The following GRID2 variants were observed in gnomAD, a reference collection of about 807,000 sequenced individuals.
GRID2 encodes the protein glutamate ionotropic receptor delta type subunit 2, also known as glutamate receptor ionotropic, delta-2.
In GRID2, 33 loss-of-function variants were observed where a neutral mutation model predicts 114.8. That is an observed-to-expected ratio of 0.29 (90% CI 0.22 to 0.38). The LOEUF is 0.38. GRID2 is among the 10% of genes least tolerant of loss of function. The probability of loss-of-function intolerance (pLI) is 1.00; values close to 1 mark genes in which losing one functional copy is unlikely to be tolerated. For missense variants in GRID2, 1,184 were observed against 1,257.7 expected, an observed-to-expected ratio of 0.94 and a Z score of 0.89; for synonymous variants, 505 against 449.9, an observed-to-expected ratio of 1.12 and a Z score of -1.55.
chr4:93,208,692 G>A (rs773376334), intron 5 of GRID2, among the ~76,000 whole-genome samples: 3 of 151,882 alleles, frequency 2.0e-5, no homozygotes, highest in African/African-American at 4.8e-5. Context: ...GAGTAAAGAC[G>A]CTGAAAACAC....
At chr4:93,201,700 G>A (rs1742123754) in intron 4 of GRID2, among the ~76,000 whole-genome samples, 1 of 152,170 alleles carries the variant, frequency 6.6e-6, no homozygotes, top group Non-Finnish European at 1.5e-5. Flanking sequence ...TGTAGGAACT[G>A]TTCCACATTT....
chr4:92,379,982 G>T (rs61323657), intron 1 of GRID2, among the ~76,000 whole-genome samples: 2 of 151,846 alleles, frequency 1.3e-5, no homozygotes, highest in Non-Finnish European at 2.9e-5. Flanking sequence ...AATATCGTTT[G>T]TTGTAAGCAA....
chr4:92,570,505 G>C (rs1213764252), intron 1 of GRID2, among the ~76,000 whole-genome samples: 1 of 152,040 alleles, frequency 6.6e-6, no homozygotes, highest in Non-Finnish European at 1.5e-5. Flanking sequence ...GCCAATGTGA[G>C]TTTAATGGGA....
intron 1 of GRID2, among the ~76,000 whole-genome samples, chr4:92,325,659 TA>T (rs1484412977): frequency 5.3e-5 from 8 of 151,958 alleles, no homozygotes; most frequent in South Asian, 2.1e-4. Context: ...AAATTTTTGT[TA>T]TTTTTTTTAT....
intron 9 of GRID2, among the ~76,000 whole-genome samples, chr4:93,408,820 T>C (rs540373474): frequency 6.6e-6 from 1 of 152,286 alleles, no homozygotes; most frequent in South Asian, 2.1e-4. Flanking sequence ...TGTCTACTCT[T>C]AGGTCTCTGC....
intron 14 of GRID2, among the ~76,000 whole-genome samples, chr4:93,730,685 G>T (rs923427259): frequency 6.6e-6 from 1 of 152,142 alleles, no homozygotes; most frequent in African/African-American, 2.4e-5. Flanking sequence ...CAGGGCAGGG[G>T]GTTGACAAGA....
At chr4:92,590,413 T>C (rs1728654425) in intron 2 of GRID2, 127 bp downstream of exon 2, 4 of 641,964 alleles carry the variant, frequency 6.2e-6, no homozygotes, top group South Asian at 2.4e-5. Flanking sequence ...ATTATTTTCC[T>C]TGGAGATCAC....
intron 13 of GRID2, among the ~76,000 whole-genome samples, chr4:93,590,403 C>T (rs1013295684): frequency 2.0e-5 from 3 of 149,074 alleles, no homozygotes; most frequent in African/African-American, 7.3e-5. Context: ...TGTTCTGTTC[C>T]ATTGATCTAT....
intron 14 of GRID2, among the ~76,000 whole-genome samples, chr4:93,732,350 C>T (rs1033044954): frequency 6.6e-6 from 1 of 152,134 alleles, no homozygotes; most frequent in African/African-American, 2.4e-5. Flanking sequence ...TAGCTTAAAT[C>T]ACCCAGATTT....
At chr4:92,816,818 C>G (rs1198898801) in intron 2 of GRID2, among the ~76,000 whole-genome samples, 1 of 152,090 alleles carries the variant, frequency 6.6e-6, no homozygotes, top group Non-Finnish European at 1.5e-5. Context: ...ACTTACAAAG[C>G]TCTGCTGTAT....
At chr4:93,235,342 G>A (rs1025575831) in intron 7 of GRID2, among the ~76,000 whole-genome samples, 1 of 152,054 alleles carries the variant, frequency 6.6e-6, no homozygotes, top group African/African-American at 2.4e-5. Flanking sequence ...TACTACCAAT[G>A]TCCCATTAGC....
chr4:92,587,466 C>A (rs983810473), intron 1 of GRID2, among the ~76,000 whole-genome samples: 4 of 152,030 alleles, frequency 2.6e-5, no homozygotes, highest in Non-Finnish European at 5.9e-5. Context: ...TCCTGTGGAA[C>A]TAATCACATT....
chr4:92,636,183 A>G (rs1228425260), intron 2 of GRID2, among the ~76,000 whole-genome samples: 3 of 151,862 alleles, frequency 2.0e-5, no homozygotes, highest in Admixed American at 6.6e-5. Flanking sequence ...TTGAATTACT[A>G]TTTCGTTGAA....
intron 14 of GRID2, among the ~76,000 whole-genome samples, chr4:93,747,792 T>TC (rs779028509): frequency 7.9e-5 from 12 of 151,964 alleles, no homozygotes; most frequent in African/African-American, 1.4e-4. Flanking sequence ...TGATTTGTTT[T>TC]CCCCCCCAGT....
At chr4:92,463,435 C>T (rs1721593162) in intron 1 of GRID2, among the ~76,000 whole-genome samples, 1 of 151,862 alleles carries the variant, frequency 6.6e-6, no homozygotes, top group Admixed American at 6.6e-5. Flanking sequence ...CTAAATTAGG[C>T]CCTGCTTTTC....
chr4:93,057,276 T>C (rs564127931), intron 2 of GRID2, among the ~76,000 whole-genome samples: 1 of 151,852 alleles, frequency 6.6e-6, no homozygotes, highest in Non-Finnish European at 1.5e-5. Context: ...TACTTATGCT[T>C]GACAGGTACA....
chr4:93,632,907 T>C (rs1362148777), intron 14 of GRID2, among the ~76,000 whole-genome samples: 1 of 152,220 alleles, frequency 6.6e-6, no homozygotes, highest in Non-Finnish European at 1.5e-5. Flanking sequence ...CAGTAGTTTG[T>C]AGTTCTCCTT....
chr4:93,683,845 C>G (rs1203146497), intron 14 of GRID2, among the ~76,000 whole-genome samples: 2 of 152,148 alleles, frequency 1.3e-5, no homozygotes, highest in Middle Eastern at 3.4e-3. Flanking sequence ...AAAACCAACA[C>G]AATTGTGGTG....
intron 1 of GRID2, among the ~76,000 whole-genome samples, chr4:93,797,749 A>C (rs1195999860): frequency 6.6e-6 from 1 of 151,654 alleles, no homozygotes; most frequent in African/African-American, 2.4e-5. Flanking sequence ...AAACTTAATC[A>C]GAGAGAGAAT....
Sources: allele counts gnomAD v4.1 joint callset (sites outside exome capture counted in the v4.1 genomes callset), GRCh38; gene constraint gnomAD v4.1.1; transcripts MANE v1.5; gene names NCBI Gene and HGNC (gene_info 2026-07-23, HGNC 2026-07-21).